MLANA: variants seen among roughly 807,000 people sequenced by gnomAD.
MLANA encodes the protein melan-A.
A neutral mutation model predicts 15.7 loss-of-function variants in MLANA; 21 were observed. That is an observed-to-expected ratio of 1.33 (90% CI 0.95 to 1.92). The LOEUF (loss-of-function observed/expected upper bound fraction) is 1.92. Among genes scored for constraint, MLANA ranks in the 40% most tolerant of loss-of-function variants. MLANA has a pLI of 0.00. For missense variants in MLANA, 164 were observed against 143.8 expected, an observed-to-expected ratio of 1.14 and a Z score of -0.72; for synonymous variants, 56 against 51.5, an observed-to-expected ratio of 1.09 and a Z score of -0.37.
chr9:5,907,992 G>A (rs555433811), intron 4 of MLANA, among the ~76,000 whole-genome samples: 1 of 152,102 alleles, frequency 6.6e-6, no homozygotes, highest in Non-Finnish European at 1.5e-5. Flanking sequence ...TAAGTGGCTT[G>A]TACCATATTT....
intron 1 of MLANA, 58 bp from the exon 2 acceptor site, chr9:5,892,392 G>T: frequency 1.6e-6 from 2 of 1,275,140 alleles, no homozygotes; most frequent in Non-Finnish European, 2.2e-6. Context: ...GTCTTTATGA[G>T]ATGATGAATA....
chr9:5,904,008 C>G (rs1366037667), intron 3 of MLANA, among the ~76,000 whole-genome samples: 1 of 152,042 alleles, frequency 6.6e-6, no homozygotes, highest in Admixed American at 6.6e-5. Context: ...CAGGTGTGCG[C>G]CACCAAGCCT....
intron 4 of MLANA, among the ~76,000 whole-genome samples, chr9:5,907,671 G>T (rs1832904982): frequency 6.6e-6 from 1 of 152,118 alleles, no homozygotes; most frequent in Non-Finnish European, 1.5e-5. Context: ...AATTACATAT[G>T]GCTGGGCATG....
chr9:5,901,116 GGTGA>G (rs997326152), intron 3 of MLANA, among the ~76,000 whole-genome samples: 2 of 151,832 alleles, frequency 1.3e-5, no homozygotes, highest in African/African-American at 4.8e-5. Flanking sequence ...CTTAACCTAT[GGTGA>G]GTGAGAGGCT....
chr9:5,908,762 T>A lies in MLANA; in HGVS notation c.*54T>A. 6.7e-7 allele frequency: 1 copy of A among 1,502,750 alleles called. No individual in the cohort carries two copies. Among genetic ancestry groups the A allele is most frequent in the East Asian group, 2.3e-5 (1 of 44,294 alleles). 93.1% of individuals were successfully genotyped at this position (1,502,750 alleles called of 1,614,324 possible). On this transcript the variant is annotated 3_prime_UTR_variant, in exon 5 of 5. Coordinates refer to ENST00000381477, the MANE Select transcript of MLANA (RefSeq NM_005511.2). ...AAATTATTTCTCTCACACTTTTGCT[T>A]GAATTTAATACAGACATCTAATGTT...
chr9:5,895,077 C>T (rs1050557260), intron 2 of MLANA, among the ~76,000 whole-genome samples: 1 of 152,212 alleles, frequency 6.6e-6, no homozygotes, highest in Non-Finnish European at 1.5e-5. Flanking sequence ...ACCCACTCAA[C>T]CCGTATGCGT....
At chr9:5,900,415 AT>A (rs1483557243) in intron 3 of MLANA, among the ~76,000 whole-genome samples, 1 of 152,296 alleles carries the variant, frequency 6.6e-6, no homozygotes, top group Non-Finnish European at 1.5e-5. Flanking sequence ...ATTTTCATAT[AT>A]CTAGAAAAGT....
At chr9:5,904,368 G>T (rs1832657864) in intron 3 of MLANA, among the ~76,000 whole-genome samples, 2 of 151,374 alleles carry the variant, frequency 1.3e-5, no homozygotes, top group Non-Finnish European at 3.0e-5. Flanking sequence ...TGTTGCCTCT[G>T]TTCTTTGTTT....
Position 5,909,488 on chromosome 9 carries a change from C to A in MLANA, c.*780C>A, listed in dbSNP as rs956331510. 1 of 152,234 alleles carries A rather than the reference C, an allele frequency of 6.6e-6. No homozygotes were observed. The highest frequency in any genetic ancestry group is 1.5e-5 in the Non-Finnish European group (1 of 68,086). The allele number at this position is 152,234 out of a possible 1,614,324, so 9.4% of individuals were successfully genotyped here. A position where few individuals can be genotyped will look rare whatever the true frequency, so the allele number is the denominator to read the frequency against. On this transcript the variant is annotated 3_prime_UTR_variant, in exon 5 of 5. Coordinates refer to ENST00000381477, the MANE Select transcript of MLANA (RefSeq NM_005511.2). ...GGTCAGGCTGGTCTCAAACTCCTGA[C>A]CTCAGGTGATCTGCCCGCCTCAGCC...
chr9:5,906,534 T>C (rs1165509448), intron 3 of MLANA, among the ~76,000 whole-genome samples: 1 of 152,234 alleles, frequency 6.6e-6, no homozygotes, highest in Non-Finnish European at 1.5e-5. Context: ...AAAGTCTTTA[T>C]TTCTGCTTCA....
At chr9:5,891,954 C>CG (rs1247822473) in intron 1 of MLANA, among the ~76,000 whole-genome samples, 2 of 152,176 alleles carry the variant, frequency 1.3e-5, no homozygotes, top group African/African-American at 4.8e-5. Context: ...GCACAGGCAA[C>CG]GGGTGCTCTG....
In MLANA at chr9:5,909,417, CCTGA is replaced by C. The variant is rs1324224781; in HGVS notation, c.*712_*715del. The C allele has an allele frequency of 2.0e-5, 3 of 152,282 alleles. No homozygotes were observed. The highest frequency in any genetic ancestry group is 4.4e-5 in the Non-Finnish European group (3 of 68,148). The allele number at this position is 152,282 out of a possible 1,614,324, so 9.4% of individuals were successfully genotyped here. On this transcript the variant is annotated 3_prime_UTR_variant, in exon 5 of 5. Transcript: ENST00000381477. ...GGGATTACAGGCGTGCGCCACTATG[CCTGA>C]CTAATTTTGTAGTTTTAGTAGAGAC...
intron 2 of MLANA, among the ~76,000 whole-genome samples, chr9:5,892,929 AAAGT>A (rs1831746083): frequency 6.6e-6 from 1 of 152,194 alleles, no homozygotes; most frequent in South Asian, 2.1e-4. Flanking sequence ...AGACAGAATA[AAAGT>A]GAGTTGCCAA....
At chr9:5,906,338 AAAAAG>A (rs1381798123) in intron 3 of MLANA, among the ~76,000 whole-genome samples, 11 of 150,030 alleles carry the variant, frequency 7.3e-5, no homozygotes, top group Admixed American at 1.3e-4. Flanking sequence ...TCAAAAAAAA[AAAAAG>A]AAAAGAAAAG....
At chr9:5,901,052 A>G (rs539914945) in intron 3 of MLANA, among the ~76,000 whole-genome samples, 3 of 152,288 alleles carry the variant, frequency 2.0e-5, no homozygotes, top group Non-Finnish European at 4.4e-5. Context: ...ATGTACACCC[A>G]GTTTTAATGT....
intron 3 of MLANA, among the ~76,000 whole-genome samples, chr9:5,904,188 T>C (rs565773096): frequency 2.4e-4 from 36 of 152,296 alleles, no homozygotes; most frequent in South Asian, 6.2e-4. Context: ...TGTACATGTA[T>C]GTGTCTTTAT....
chr9:5,908,544 G>C, intron 4 of MLANA, 96 bp from the exon 5 acceptor site: 4 of 1,086,002 alleles, frequency 3.7e-6, no homozygotes, highest in Non-Finnish European at 5.5e-6. Context: ...CAGTCCACAG[G>C]GAAAGTATAA....
intron 3 of MLANA, chr9:5,898,081 G>A (rs1832155635): frequency 5.9e-6 from 1 of 170,034 alleles, no homozygotes; most frequent in African/African-American, 2.4e-5. Context: ...CTTGAAACAG[G>A]AAATCCTGGG....
intron 2 of MLANA, among the ~76,000 whole-genome samples, chr9:5,893,438 G>A (rs955818011): frequency 5.9e-5 from 9 of 152,172 alleles, no homozygotes; most frequent in African/African-American, 2.2e-4. Context: ...GTCAACCGCA[G>A]GGACCAGCAA....
Sources: gnomAD v4.1 joint callset for allele counts (sites outside exome capture counted in the v4.1 genomes callset) on GRCh38, gnomAD v4.1.1 for gene constraint, MANE v1.5 for transcripts, NCBI Gene and HGNC (gene_info 2026-07-23, HGNC 2026-07-21) for gene names.